The following SRGAP1 variants were observed in gnomAD, a reference collection of about 807,000 sequenced individuals.
SRGAP1 encodes SLIT-ROBO Rho GTPase activating protein 1, also known as SLIT-ROBO Rho GTPase-activating protein 1.
SRGAP1 carries 43 observed loss-of-function variants against 121.9 expected under a neutral mutation model. The observed-to-expected ratio is 0.35, with a 90% CI of 0.28 to 0.46. SRGAP1 has a LOEUF of 0.46. Ranked by LOEUF, SRGAP1 falls within the 20% of genes least tolerant of loss-of-function variation. The pLI is 1.00. For missense variants in SRGAP1, 1,102 were observed against 1,350.9 expected (o/e 0.82, Z 2.89); for synonymous variants, 447 against 485.4 (o/e 0.92, Z 1.04).
In SRGAP1 at chr12:64,155,001, A is replaced by G. The variant is rs2037152259; in HGVS notation, c.*12329A>G. On this transcript the variant is annotated 3_prime_UTR_variant, in exon 22 of 22. Transcript: ENST00000355086. The stretch of plus-strand genomic sequence containing the variant: ...GTGCATTTGTTAACATAAATATGAT[A>G]ATAAAAATAGTTAACATTTGTTAAA... 1 of 152,092 alleles carries G rather than the reference A, an allele frequency of 6.6e-6. No individual in the cohort carries two copies. Among genetic ancestry groups the G allele is most frequent in the East Asian group, 1.9e-4 (1 of 5,192 alleles). 9.4% of individuals were successfully genotyped at this position (152,092 alleles called of 1,614,324 possible). A position where few individuals can be genotyped will look rare whatever the true frequency, so the allele number is the denominator to read the frequency against.
At chr12:63,927,193 G>A (rs146797142) in intron 1 of SRGAP1, among the ~76,000 whole-genome samples, 278 of 152,164 alleles carry the variant, frequency 1.8e-3, no homozygotes, top group African/African-American at 5.3e-3. Context: ...TACTCCCATG[G>A]CTTGGAAGAC....
intron 4 of SRGAP1, among the ~76,000 whole-genome samples, chr12:64,023,238 T>C (rs987153885): frequency 6.8e-6 from 1 of 147,372 alleles, no homozygotes; most frequent in Non-Finnish European, 1.5e-5. Flanking sequence ...GGAAGGTAAC[T>C]TCCCTAAGAA....
chr12:63,895,627 A>G (rs1197025773), intron 1 of SRGAP1, among the ~76,000 whole-genome samples: 3 of 152,186 alleles, frequency 2.0e-5, no homozygotes, highest in Non-Finnish European at 2.9e-5. Context: ...CTTGTTCTAT[A>G]AGCTGTAAGG....
chr12:64,087,288 A>G (rs977970321), intron 11 of SRGAP1, among the ~76,000 whole-genome samples: 2 of 152,198 alleles, frequency 1.3e-5, no homozygotes, highest in African/African-American at 4.8e-5. Flanking sequence ...GGCTTGGTTT[A>G]TCTAATCCAG....
In SRGAP1 at chr12:64,142,576, C is replaced by T; in HGVS notation, c.3162C>T (p.Ala1054=). 6.2e-7 allele frequency: 1 copy of T among 1,614,196 alleles called. No individual in the cohort carries two copies. Among genetic ancestry groups the T allele is most frequent in the East Asian group, 2.2e-5 (1 of 44,868 alleles). The change falls in exon 22 of 22, where the codon GCC becomes GCT. Residue 1054 remains alanine (A), a synonymous_variant. Coordinates refer to ENST00000355086, the MANE Select transcript of SRGAP1 (RefSeq NM_020762.4). ...TGGGCGTGCAGCTGAAGCCTCCAGC[C>T]CTTAGGCCAAAACCTGCTGTTCTTC... is the stretch of plus-strand genomic sequence containing the variant. The part of the protein sequence containing the change: ...PRMGVQLKPP[A]LRPKPAVLPK...
rs549144894 is a variant in SRGAP1, at chr12:63,964,866, T to C, written c.68-19081T>C. On this transcript the variant is annotated intron_variant, in intron 1 of 21. Transcript: ENST00000355086. ...CTTTTGTCCTTTTGTAAAATGAAAA[T>C]CGTACTACTTTGCTCCCAAATTAAG... is the stretch of plus-strand genomic sequence containing the variant. Among the ~76,000 whole-genome samples, 4 of 152,300 alleles carry C rather than the reference T, an allele frequency of 2.6e-5. No individual in the cohort carries two copies. The South Asian group carries it at 8.3e-4, about 32-fold the overall frequency.
At position 64,112,071 on chromosome 12, in the gene SRGAP1, A is replaced by T. The variant is rs973137675; in HGVS notation, c.2144+85A>T. On this transcript the variant is annotated intron_variant, in intron 17 of 21. Transcript: ENST00000355086. The stretch of plus-strand genomic sequence containing the variant: ...ATTTGATTAGAAGAAAGAGTTTCCC[A>T]TAAGCCACCAATGCTTCCAACTTAA... The T allele has an allele frequency of 2.7e-6, 3 of 1,097,770 alleles. No homozygotes were observed. In the African/African-American group the frequency reaches 4.8e-5, roughly 17 times the overall value. The allele number at this position is 1,097,770 out of a possible 1,614,324, so 68.0% of individuals were successfully genotyped here.
intron 3 of SRGAP1, among the ~76,000 whole-genome samples, chr12:64,001,568 C>T (rs1254892426): frequency 6.6e-6 from 1 of 152,174 alleles, no homozygotes; most frequent in Non-Finnish European, 1.5e-5. Flanking sequence ...GGATGAGGCA[C>T]AAGACTACAT....
intron 21 of SRGAP1, 151 bp downstream of exon 21, chr12:64,128,351 T>G (rs989746830): frequency 3.7e-6 from 3 of 810,852 alleles, no homozygotes; most frequent in Non-Finnish European, 3.7e-6. Flanking sequence ...CAGCTCATTC[T>G]TTAACTTAGG....
At chr12:64,022,317 G>A (rs1037458572) in intron 4 of SRGAP1, among the ~76,000 whole-genome samples, 2 of 152,186 alleles carry the variant, frequency 1.3e-5, no homozygotes, top group African/African-American at 2.4e-5. Flanking sequence ...CTGAAAACCA[G>A]GAAAGCCAAT....
intron 3 of SRGAP1, among the ~76,000 whole-genome samples, chr12:63,997,930 G>A (rs552884329): frequency 3.9e-5 from 6 of 152,060 alleles, no homozygotes; most frequent in Admixed American, 1.3e-4. Context: ...ATGACCAATC[G>A]AATACATAAA....
intron 1 of SRGAP1, among the ~76,000 whole-genome samples, chr12:63,902,989 A>T (rs577047963): frequency 2.2e-4 from 33 of 152,332 alleles, no homozygotes; most frequent in African/African-American, 7.7e-4. Context: ...AATGTAACAG[A>T]ACATTTAGAA....
intron 8 of SRGAP1, among the ~76,000 whole-genome samples, chr12:64,075,468 TGGCCAGTTTTGG>T (rs1044125077): frequency 2.6e-5 from 4 of 152,234 alleles, no homozygotes; most frequent in Non-Finnish European, 5.9e-5. Context: ...ATTTTGTTTA[TGGCCAGTTTTGG>T]GGCCAGTTTA....
chr12:63,938,816 A>G (rs561626477), intron 1 of SRGAP1, among the ~76,000 whole-genome samples: 5 of 151,840 alleles, frequency 3.3e-5, no homozygotes, highest in African/African-American at 1.2e-4. Flanking sequence ...GTTTGCTAAT[A>G]TACTTTTCAA....
chr12:64,046,667 A>T (rs923593099), intron 6 of SRGAP1, among the ~76,000 whole-genome samples: 4 of 152,178 alleles, frequency 2.6e-5, no homozygotes, highest in African/African-American at 9.7e-5. Context: ...AAGCAGGCTG[A>T]AGCGGGAGCA....
chr12:64,095,410 G>A (rs2036136178), intron 14 of SRGAP1, among the ~76,000 whole-genome samples: 1 of 152,166 alleles, frequency 6.6e-6, no homozygotes, highest in Admixed American at 6.5e-5. Context: ...AAAAGCATAT[G>A]AGCTCTGCAT....
At chr12:64,137,268 CAA>C (rs60729208) in intron 21 of SRGAP1, among the ~76,000 whole-genome samples, 2 of 118,926 alleles carry the variant, frequency 1.7e-5, no homozygotes, top group South Asian at 2.5e-4. Context: ...GACTCCGTCT[CAA>C]AAAAAAAAAA....
Position 64,128,074 on chromosome 12 carries a change from G to A in SRGAP1, c.2754G>A (p.Leu918=). 1.2e-6 allele frequency: 2 copies of A among 1,614,116 alleles called. No individual in the cohort carries two copies. Among genetic ancestry groups the A allele is most frequent in the Non-Finnish European group, 8.5e-7 (1 of 1,180,026 alleles). ...GGCGCAGGCCTGGCCATGGCAGCCTGACCAACATCAGCCGGCACGACTCCC... is the reference window on the plus strand; with the variant it reads ...GGCGCAGGCCTGGCCATGGCAGCCTAACCAACATCAGCCGGCACGACTCCC... ...ERRRRPGHGS[L]TNISRHDSLK... The change falls in exon 21 of 22, where the codon CTG becomes CTA. Residue 918 remains leucine, a synonymous_variant. Transcript: ENST00000355086.
At chr12:63,951,152 C>CTTTTTTTTTTTTTTTTTTTTTTT (rs58637983) in intron 1 of SRGAP1, among the ~76,000 whole-genome samples, 2 of 44,184 alleles carry the variant, frequency 4.5e-5, no homozygotes, top group African/African-American at 1.7e-4. Flanking sequence ...ATTTAGAACT[C>CTTTTTTTTTTTTTTTTTTTTTTT]TTTTTTTTTT....
Sources: gnomAD v4.1 joint callset for allele counts (sites outside exome capture counted in the v4.1 genomes callset) on GRCh38, gnomAD v4.1.1 for gene constraint, MANE v1.5 for transcripts, NCBI Gene and HGNC (gene_info 2026-07-23, HGNC 2026-07-21) for gene names.